The following DNAH12 variants were observed in gnomAD, a reference collection of about 807,000 sequenced individuals.
DNAH12 encodes dynein axonemal heavy chain 12.
A neutral mutation model predicts 371.5 loss-of-function variants in DNAH12; 285 were observed. The ratio of observed to expected loss-of-function variants is 0.77; its 90% CI spans 0.70 to 0.85. The LOEUF (loss-of-function observed/expected upper bound fraction) is 0.85. Among genes scored for constraint, DNAH12 ranks in the 40% least tolerant of loss-of-function variants. The probability of loss-of-function intolerance (pLI) is 0.00; values close to 1 mark genes in which losing one functional copy is unlikely to be tolerated. For synonymous variants in DNAH12, 1,200 were observed against 1,213.0 expected, an observed-to-expected ratio of 0.99 and a Z score of 0.22; for missense variants, 3,611 against 3,689.4, an observed-to-expected ratio of 0.98 and a Z score of 0.55.
chr3:57,424,245 G>C (rs1472426115), intron 35 of DNAH12, among the ~76,000 whole-genome samples: 1 of 151,538 alleles, frequency 6.6e-6, no homozygotes, highest in African/African-American at 2.4e-5. Context: ...CGAGGTGGGC[G>C]AATCACCTGA....
At chr3:57,474,568 T>C (rs1314552810) in intron 13 of DNAH12, among the ~76,000 whole-genome samples, 2 of 152,202 alleles carry the variant, frequency 1.3e-5, no homozygotes, top group Admixed American at 1.3e-4. Context: ...AGTGCTGGGA[T>C]TTTAGGCATG....
At chr3:57,410,866 A>C (rs1389705901) in intron 39 of DNAH12, among the ~76,000 whole-genome samples, 3 of 151,860 alleles carry the variant, frequency 2.0e-5, no homozygotes, top group Non-Finnish European at 4.4e-5. Context: ...GAATAAAGGT[A>C]ACTTCCTCAA....
intron 25 of DNAH12, among the ~76,000 whole-genome samples, chr3:57,451,725 A>G (rs1352651553): frequency 6.6e-6 from 1 of 152,158 alleles, no homozygotes; most frequent in Admixed American, 6.5e-5. Flanking sequence ...CTCACCCCAC[A>G]CACACCAGGA....
chr3:57,323,764 C>CT, intron 62 of DNAH12, 145 bp from the exon 63 acceptor site: 1 of 858,188 alleles, frequency 1.2e-6, no homozygotes, highest in Non-Finnish European at 1.6e-6. Context: ...ACTAATTTCT[C>CT]TAAAAAATAA....
chr3:57,483,950 CAA>C (rs71088079), intron 12 of DNAH12, among the ~76,000 whole-genome samples: 4 of 64,072 alleles, frequency 6.2e-5, no homozygotes, highest in African/African-American at 6.8e-5. Flanking sequence ...GACCCTGTCT[CAA>C]AAAAAAAAAA....
chr3:57,415,153 G>T (rs955403407), intron 38 of DNAH12, among the ~76,000 whole-genome samples: 8 of 150,350 alleles, frequency 5.3e-5, no homozygotes, highest in African/African-American at 1.9e-4. Context: ...GAGTGTGTGT[G>T]TGTCTTTTAT....
intron 60 of DNAH12, among the ~76,000 whole-genome samples, chr3:57,335,409 G>C (rs1384209982): frequency 6.6e-6 from 1 of 152,202 alleles, no homozygotes; most frequent in East Asian, 1.9e-4. Context: ...TGCTCTCTTG[G>C]TTCTACTGAT....
intron 58 of DNAH12, among the ~76,000 whole-genome samples, chr3:57,362,443 C>T (rs1224634993): frequency 1.3e-5 from 2 of 152,222 alleles, no homozygotes; most frequent in Non-Finnish European, 2.9e-5. Flanking sequence ...AAGTGCCACA[C>T]TGTCTTCCAC....
At chr3:57,505,074 G>T (rs1300731135) in intron 8 of DNAH12, among the ~76,000 whole-genome samples, 1 of 151,906 alleles carries the variant, frequency 6.6e-6, no homozygotes, top group East Asian at 1.9e-4. Context: ...TTTTTGTAGA[G>T]ACAGGGTTTT....
intron 2 of DNAH12, among the ~76,000 whole-genome samples, chr3:57,534,892 A>T (rs1413336397): frequency 6.6e-6 from 1 of 152,182 alleles, no homozygotes; most frequent in Non-Finnish European, 1.5e-5. Flanking sequence ...TACAGAAAAA[A>T]GTCATATTCT....
chr3:57,534,010 T>C (rs2068940545), intron 2 of DNAH12, among the ~76,000 whole-genome samples: 1 of 152,196 alleles, frequency 6.6e-6, no homozygotes, highest in African/African-American at 2.4e-5. Flanking sequence ...CACTCCATGA[T>C]AAGGCTTCCC....
intron 29 of DNAH12, among the ~76,000 whole-genome samples, chr3:57,439,906 GC>G (rs2065252539): frequency 6.6e-6 from 1 of 152,036 alleles, no homozygotes; most frequent in African/African-American, 2.4e-5. Flanking sequence ...CATGCAAGCA[GC>G]CAACAAATAT....
At chr3:57,306,227 G>C (rs1049182002) in intron 69 of DNAH12, among the ~76,000 whole-genome samples, 45 of 152,104 alleles carry the variant, frequency 3.0e-4, no homozygotes, top group African/African-American at 1.1e-3. Context: ...TCTCACAGTG[G>C]AAGGTAAGTC....
chr3:57,408,674 G>A, intron 39 of DNAH12, 139 bp from the exon 40 acceptor site: 1 of 1,110,304 alleles, frequency 9.0e-7, no homozygotes, highest in Non-Finnish European at 1.2e-6. Context: ...TTGAGTAGGA[G>A]AGAAATTTTT....
chr3:57,329,009 G>A (rs1472952707), intron 62 of DNAH12, among the ~76,000 whole-genome samples: 20 of 146,682 alleles, frequency 1.4e-4, no homozygotes, highest in Admixed American at 3.4e-4. Flanking sequence ...TACAAGGGAC[G>A]TGAAGGACCT....
intron 29 of DNAH12, among the ~76,000 whole-genome samples, chr3:57,442,178 C>T (rs1178481914): frequency 6.6e-6 from 1 of 151,944 alleles, no homozygotes; most frequent in Non-Finnish European, 1.5e-5. Flanking sequence ...CCCATATACA[C>T]ACAAATACTA....
At chr3:57,342,830 T>C (rs1349326739) in intron 60 of DNAH12, among the ~76,000 whole-genome samples, 6 of 152,072 alleles carry the variant, frequency 3.9e-5, no homozygotes, top group African/African-American at 1.4e-4. Flanking sequence ...CTCAGCACTT[T>C]GGGAGGCCAA....
At chr3:57,475,336 G>T (rs1187449677) in intron 13 of DNAH12, among the ~76,000 whole-genome samples, 3 of 151,930 alleles carry the variant, frequency 2.0e-5, no homozygotes, top group Non-Finnish European at 4.4e-5. Context: ...AAGAAAGAAA[G>T]AGAGAAAGAG....
chr3:57,548,738 G>C (rs1382425079), upstream of DNAH12: 1 of 152,026 alleles, frequency 6.6e-6, no homozygotes, highest in Non-Finnish European at 1.5e-5. Flanking sequence ...AACAAACGAG[G>C]AAAGTTTTAA....
Sources: allele counts gnomAD v4.1 joint callset (sites outside exome capture counted in the v4.1 genomes callset), GRCh38; gene constraint gnomAD v4.1.1; transcripts MANE v1.5; gene names NCBI Gene and HGNC (gene_info 2026-07-23, HGNC 2026-07-21).